TEAD1: variants seen among roughly 807,000 people sequenced by gnomAD.
The protein encoded by TEAD1 is TEA domain transcription factor 1.
A neutral mutation model predicts 54.9 loss-of-function variants in TEAD1; 9 were observed. That is an observed-to-expected ratio of 0.16 (90% confidence interval 0.10 to 0.29). TEAD1 has a LOEUF of 0.29. TEAD1 is among the 10% of genes least tolerant of loss of function. The pLI is 1.00. For synonymous variants in TEAD1, 200 were observed against 187.8 expected (o/e 1.07, Z -0.53); for missense variants, 387 against 535.9 (o/e 0.72, Z 2.74).
At chr11:12,866,253 C>T (rs1397620130) in intron 5 of TEAD1, among the ~76,000 whole-genome samples, 1 of 152,188 alleles carries the variant, frequency 6.6e-6, no homozygotes, top group Non-Finnish European at 1.5e-5. Context: ...TTTCTAGTTT[C>T]TCTGAGCTAA....
chr11:12,750,386 C>T (rs1028843621), intron 2 of TEAD1, among the ~76,000 whole-genome samples: 1 of 152,064 alleles, frequency 6.6e-6, no homozygotes, highest in Non-Finnish European at 1.5e-5. Flanking sequence ...AACAAACACA[C>T]CTTTATAAAC....
intron 2 of TEAD1, among the ~76,000 whole-genome samples, chr11:12,696,718 T>C (rs1172525047): frequency 1.3e-5 from 2 of 152,096 alleles, no homozygotes; most frequent in African/African-American, 4.8e-5. Context: ...ACTAGTTTGT[T>C]GGGAAATACA....
chr11:12,850,460 A>G (rs1371505083), intron 3 of TEAD1, among the ~76,000 whole-genome samples: 2 of 152,342 alleles, frequency 1.3e-5, no homozygotes, highest in South Asian at 2.1e-4. Context: ...GGACCATTTT[A>G]GAGCCCCAGA....
intron 3 of TEAD1, among the ~76,000 whole-genome samples, chr11:12,778,481 T>C (rs1192011797): frequency 6.6e-6 from 1 of 152,008 alleles, no homozygotes; most frequent in Non-Finnish European, 1.5e-5. Context: ...TCTCTTATGT[T>C]TCCAAAGCAC....
At chr11:12,715,751 ATG>A (rs1944045982) in intron 2 of TEAD1, among the ~76,000 whole-genome samples, 1 of 152,138 alleles carries the variant, frequency 6.6e-6, no homozygotes. Flanking sequence ...TAATCAGTGT[ATG>A]TCCCATGATT....
chr11:12,787,859 C>T (rs1945711549), intron 3 of TEAD1, among the ~76,000 whole-genome samples: 1 of 151,978 alleles, frequency 6.6e-6, no homozygotes, highest in South Asian at 2.1e-4. Context: ...TAAATGTCAG[C>T]CAGTTTTGAT....
chr11:12,797,160 AG>A (rs1472701313), intron 3 of TEAD1, among the ~76,000 whole-genome samples: 1 of 152,232 alleles, frequency 6.6e-6, no homozygotes, highest in Non-Finnish European at 1.5e-5. Context: ...TTTTGTGGTG[AG>A]GGGAAGCACT....
chr11:12,769,973 C>A (rs1475140825), intron 3 of TEAD1, among the ~76,000 whole-genome samples: 2 of 151,528 alleles, frequency 1.3e-5, no homozygotes, highest in Non-Finnish European at 2.9e-5. Flanking sequence ...GAGGAAGTGG[C>A]TAGAAAAAAA....
At chr11:12,785,840 G>A (rs962135203) in intron 3 of TEAD1, among the ~76,000 whole-genome samples, 2 of 152,138 alleles carry the variant, frequency 1.3e-5, no homozygotes, top group Admixed American at 6.5e-5. Context: ...CTAGATCCAG[G>A]AACTTTGATT....
chr11:12,693,041 G>C (rs1056998617), intron 2 of TEAD1, among the ~76,000 whole-genome samples: 2 of 152,228 alleles, frequency 1.3e-5, no homozygotes, highest in Non-Finnish European at 2.9e-5. Flanking sequence ...TGTGGGGATA[G>C]TGGGGAGAAC....
intron 2 of TEAD1, among the ~76,000 whole-genome samples, chr11:12,740,070 C>T (rs1335885724): frequency 6.6e-6 from 1 of 152,172 alleles, no homozygotes; most frequent in Admixed American, 6.5e-5. Flanking sequence ...AACAGCATAA[C>T]AGTGGCTTGG....
chr11:12,784,352 G>A (rs747757199), intron 3 of TEAD1, among the ~76,000 whole-genome samples: 11 of 152,106 alleles, frequency 7.2e-5, no homozygotes, highest in Non-Finnish European at 1.3e-4. Flanking sequence ...TGGGGAGGGC[G>A]CCAGCAGGCA....
chr11:12,863,659 C>T (rs905114994), intron 4 of TEAD1, among the ~76,000 whole-genome samples: 1 of 152,058 alleles, frequency 6.6e-6, no homozygotes, highest in African/African-American at 2.4e-5. Flanking sequence ...TTCTACATTT[C>T]GGAAACCAGT....
intron 5 of TEAD1, among the ~76,000 whole-genome samples, chr11:12,866,802 A>G (rs1284508422): frequency 6.6e-6 from 1 of 152,184 alleles, no homozygotes; most frequent in Non-Finnish European, 1.5e-5. Context: ...GCTAATACCA[A>G]CTGAGTGTTC....
intron 3 of TEAD1, among the ~76,000 whole-genome samples, chr11:12,833,245 A>G (rs574860600): frequency 2.7e-4 from 41 of 152,336 alleles, no homozygotes; most frequent in Admixed American, 2.6e-3. Flanking sequence ...CAAAATGTCT[A>G]TATTTTTAAT....
intron 3 of TEAD1, among the ~76,000 whole-genome samples, chr11:12,787,171 A>G (rs4757945): frequency 0.5 from 76,090 of 151,944 alleles, 21,410 homozygotes; most frequent in East Asian, 0.7. Flanking sequence ...CAGGTCTCTC[A>G]CCGTATCCTC....
intron 3 of TEAD1, chr11:12,828,142 C>T (rs1463959582): frequency 6.6e-6 from 1 of 152,160 alleles, no homozygotes; most frequent in African/African-American, 2.4e-5. Context: ...AAAACCCCAG[C>T]TTGACTCTGG....
intron 10 of TEAD1, among the ~76,000 whole-genome samples, chr11:12,919,726 C>T (rs1948770681): frequency 6.6e-6 from 1 of 152,118 alleles, no homozygotes; most frequent in Non-Finnish European, 1.5e-5. Context: ...TCTCGAACTC[C>T]TGGGCTCAAG....
At chr11:12,869,960 A>G (rs1393047352) in intron 5 of TEAD1, among the ~76,000 whole-genome samples, 1 of 151,794 alleles carries the variant, frequency 6.6e-6, no homozygotes, top group Non-Finnish European at 1.5e-5. Context: ...GCTCATTGCA[A>G]CCTCCGCCTC....
Sources: allele counts gnomAD v4.1 joint callset (sites outside exome capture counted in the v4.1 genomes callset), GRCh38; gene constraint gnomAD v4.1.1; transcripts MANE v1.5; gene names NCBI Gene and HGNC (gene_info 2026-07-23, HGNC 2026-07-21).